Variants in SYT14 observed in about 807,000 individuals in gnomAD.
SYT14 encodes synaptotagmin 14.
Under a neutral mutation model 74.2 loss-of-function variants are expected in SYT14, and 32 were observed. The observed-to-expected ratio is 0.43, with a 90% CI of 0.33 to 0.58. The LOEUF (loss-of-function observed/expected upper bound fraction) is 0.58. Ranked by LOEUF, SYT14 falls within the 20% of genes least tolerant of loss-of-function variation. The probability of loss-of-function intolerance (pLI) is 0.05; values close to 1 mark genes in which losing one functional copy is unlikely to be tolerated. For missense variants in SYT14, 791 were observed against 981.8 expected, an observed-to-expected ratio of 0.81 and a Z score of 2.60; for synonymous variants, 298 against 337.7, an observed-to-expected ratio of 0.88 and a Z score of 1.29.
chr1:210,110,748 T>C (rs974111053), intron 7 of SYT14, among the ~76,000 whole-genome samples: 4 of 152,156 alleles, frequency 2.6e-5, no homozygotes, highest in African/African-American at 9.7e-5. Flanking sequence ...TATTAGATTG[T>C]TATTCTTATT....
intron 2 of SYT14, among the ~76,000 whole-genome samples, chr1:209,962,096 A>G (rs180928445): frequency 2.0e-5 from 3 of 152,262 alleles, no homozygotes; most frequent in Admixed American, 6.5e-5. Flanking sequence ...TGTAAAAATT[A>G]TAATTGTCTT....
intron 1 of SYT14, among the ~76,000 whole-genome samples, chr1:209,942,368 C>CCG (rs1408824480): frequency 1.5e-5 from 2 of 132,226 alleles, no homozygotes; most frequent in Admixed American, 7.1e-5. Flanking sequence ...TTACCCCCCC[C>CCG]CCCCCGCTCT....
At chr1:209,998,619 A>C (rs1488695868) in intron 2 of SYT14, among the ~76,000 whole-genome samples, 1 of 152,116 alleles carries the variant, frequency 6.6e-6, no homozygotes, top group Non-Finnish European at 1.5e-5. Context: ...ATGGAATAGA[A>C]CAAAGAACCC....
chr1:210,000,360 C>T (rs966184288), intron 2 of SYT14, among the ~76,000 whole-genome samples: 3 of 151,738 alleles, frequency 2.0e-5, no homozygotes, highest in Non-Finnish European at 4.4e-5. Context: ...ATGTAAAATA[C>T]GTGGGATAGT....
At chr1:210,038,520 A>C (rs767318550) in intron 5 of SYT14, among the ~76,000 whole-genome samples, 5 of 151,998 alleles carry the variant, frequency 3.3e-5, no homozygotes, top group Non-Finnish European at 5.9e-5. Flanking sequence ...AAGATCTATG[A>C]GTTTTATACT....
At chr1:209,942,274 C>T (rs1558082324) in intron 1 of SYT14, among the ~76,000 whole-genome samples, 2 of 151,120 alleles carry the variant, frequency 1.3e-5, no homozygotes, top group Non-Finnish European at 2.9e-5. Flanking sequence ...TGGATGTCCT[C>T]GGCAATCCAA....
chr1:210,043,913 A>G, intron 5 of SYT14, among the ~76,000 whole-genome samples: 1 of 152,152 alleles, frequency 6.6e-6, no homozygotes, highest in Non-Finnish European at 1.5e-5. Flanking sequence ...ACTATTCCAG[A>G]TTTTTTATTA....
intron 2 of SYT14, among the ~76,000 whole-genome samples, chr1:209,979,431 A>G (rs2079439263): frequency 6.6e-6 from 1 of 151,972 alleles, no homozygotes; most frequent in African/African-American, 2.4e-5. Context: ...GACAGCAGAC[A>G]AATGGGTCTT....
chr1:210,041,588 T>G (rs1420635288), intron 5 of SYT14, among the ~76,000 whole-genome samples: 1 of 152,106 alleles, frequency 6.6e-6, no homozygotes, highest in Non-Finnish European at 1.5e-5. Flanking sequence ...AAAAGCAAAG[T>G]GTAGAACAAT....
chr1:209,961,401 A>G (rs1482061526), intron 2 of SYT14, among the ~76,000 whole-genome samples: 3 of 152,098 alleles, frequency 2.0e-5, no homozygotes, highest in Non-Finnish European at 4.4e-5. Context: ...TCTTTTTTCT[A>G]GTATTTATTA....
chr1:210,102,311 T>C (rs1026645590), intron 7 of SYT14, among the ~76,000 whole-genome samples: 1 of 152,198 alleles, frequency 6.6e-6, no homozygotes, highest in Non-Finnish European at 1.5e-5. Flanking sequence ...ATGTAACATT[T>C]ATATTTGAAT....
chr1:210,097,330 AAGG>A lies in SYT14; in HGVS notation c.1585-2679_1585-2677del, dbSNP rs2081985103. Among the ~76,000 whole-genome samples, 2 of 152,320 alleles carry A rather than the reference AAGG, an allele frequency of 1.3e-5. 1 individual carries two copies. The highest frequency in any genetic ancestry group is 1.3e-4 in the Admixed American group (2 of 15,302). ...AGAAGGTTCAGAAGAATTCCATGGG[AAGG>A]AGTTTATAAACGCTGTTGATAACCT... On this transcript the variant is annotated intron_variant, in intron 6 of 9. Transcript: ENST00000637265.
chr1:209,959,780 T>C (rs1327706529), intron 2 of SYT14, among the ~76,000 whole-genome samples: 1 of 151,968 alleles, frequency 6.6e-6, no homozygotes, highest in Non-Finnish European at 1.5e-5. Context: ...GAGGGGAGAA[T>C]AGGGAGTTAC....
rs978216836 is a variant in SYT14 at position 210,021,086 on chromosome 1, G to A, written c.1144G>A (p.Glu382Lys). Residue 382 changes from glutamate (E) to lysine (K), a missense_variant, in exon 5 of 10, where the codon GAA (glutamate) becomes AAA (lysine). Coordinates refer to ENST00000637265, the Ensembl canonical transcript of SYT14. ...TGAGCATGGTTCATCCTCTGAAAGT[G>A]AAGATGAAGCGCTGGGTAAATATCA... 1.4e-5 allele frequency: 23 copies of A among 1,613,852 alleles called. No homozygotes were observed. Among genetic ancestry groups the A allele is most frequent in the East Asian group, 2.2e-5 (1 of 44,880 alleles).
chr1:209,973,605 C>T (rs1451042982), intron 2 of SYT14, among the ~76,000 whole-genome samples: 1 of 152,168 alleles, frequency 6.6e-6, no homozygotes, highest in Non-Finnish European at 1.5e-5. Context: ...TTAATCCAGT[C>T]TATCATTGGT....
At chr1:210,051,092 A>G (rs2080986027) in intron 5 of SYT14, among the ~76,000 whole-genome samples, 1 of 152,084 alleles carries the variant, frequency 6.6e-6, no homozygotes, top group Non-Finnish European at 1.5e-5. Context: ...TCTTCCTCTT[A>G]TTTCTCTTTT....
intron 7 of SYT14, among the ~76,000 whole-genome samples, chr1:210,123,408 C>T (rs922069390): frequency 6.6e-6 from 1 of 152,106 alleles, no homozygotes; most frequent in South Asian, 2.1e-4. Flanking sequence ...CTAATCTGAT[C>T]ACACACCCAT....
chr1:210,107,143 A>T, intron 7 of SYT14, among the ~76,000 whole-genome samples: 1 of 152,232 alleles, frequency 6.6e-6, no homozygotes, highest in East Asian at 1.9e-4. Flanking sequence ...GGTCATGCTG[A>T]TGCAAGAGAT....
At chr1:209,938,369 G>A in intron 1 of SYT14, 92 bp downstream of exon 1, 2 of 1,364,390 alleles carry the variant, frequency 1.5e-6, no homozygotes, top group East Asian at 5.8e-5. Context: ...GCGCTGACGG[G>A]GCCGCCTCCT....
Sources: gnomAD v4.1 joint callset for allele counts (sites outside exome capture counted in the v4.1 genomes callset) on GRCh38, gnomAD v4.1.1 for gene constraint, MANE v1.5 for transcripts, NCBI Gene and HGNC (gene_info 2026-07-23, HGNC 2026-07-21) for gene names.